The following SPOCK3 variants were observed in gnomAD, a reference collection of about 807,000 sequenced individuals.
The protein encoded by SPOCK3 is SPARC (osteonectin), cwcv and kazal like domains proteoglycan 3, also known as testican-3.
SPOCK3 carries 30 observed loss-of-function variants against 56.6 expected under a neutral mutation model. That is an observed-to-expected ratio of 0.53 (90% CI 0.40 to 0.72). The LOEUF is 0.72. Ranked by LOEUF, SPOCK3 falls within the 30% of genes least tolerant of loss-of-function variation. SPOCK3 has a pLI of 0.00. For missense variants in SPOCK3, 527 were observed against 530.0 expected, an observed-to-expected ratio of 0.99 and a Z score of 0.06; for synonymous variants, 196 against 183.3, an observed-to-expected ratio of 1.07 and a Z score of -0.56.
At chr4:167,175,946 G>A (rs1191846505) in intron 2 of SPOCK3, among the ~76,000 whole-genome samples, 1 of 152,114 alleles carries the variant, frequency 6.6e-6, no homozygotes, top group African/African-American at 2.4e-5. Flanking sequence ...TTTAACCCAT[G>A]CAAATTAATA....
intron 6 of SPOCK3, among the ~76,000 whole-genome samples, chr4:166,802,041 C>T (rs1057379397): frequency 6.6e-6 from 1 of 151,894 alleles, no homozygotes; most frequent in Admixed American, 6.6e-5. Context: ...AGAGCCAAGT[C>T]AGAAAGTTTT....
chr4:166,978,704 A>T (rs980468006), intron 4 of SPOCK3, among the ~76,000 whole-genome samples: 1 of 152,194 alleles, frequency 6.6e-6, no homozygotes, highest in African/African-American at 2.4e-5. Flanking sequence ...GAGGGGGAGA[A>T]GGAGAAGAAG....
intron 4 of SPOCK3, among the ~76,000 whole-genome samples, chr4:166,960,209 T>C (rs1387572463): frequency 1.3e-5 from 2 of 152,214 alleles, no homozygotes; most frequent in African/African-American, 4.8e-5. Flanking sequence ...TGTTATACTT[T>C]AACATCAAAG....
At chr4:167,186,481 G>T (rs1266589909) in intron 2 of SPOCK3, among the ~76,000 whole-genome samples, 2 of 151,762 alleles carry the variant, frequency 1.3e-5, no homozygotes, top group South Asian at 4.2e-4. Context: ...ACAAAAATTA[G>T]CTGAGCGTGG....
chr4:166,845,592 A>G (rs938038336), intron 6 of SPOCK3, among the ~76,000 whole-genome samples: 2 of 152,162 alleles, frequency 1.3e-5, no homozygotes, highest in Admixed American at 6.5e-5. Context: ...AAACAAACCA[A>G]CTTTACCAGA....
At chr4:167,218,791 A>C (rs747660244) in intron 2 of SPOCK3, among the ~76,000 whole-genome samples, 12 of 152,146 alleles carry the variant, frequency 7.9e-5, no homozygotes, top group Non-Finnish European at 1.6e-4. Context: ...GAAATAAACA[A>C]TTTTAAATGA....
At chr4:167,144,491 T>C (rs1763777091) in intron 2 of SPOCK3, among the ~76,000 whole-genome samples, 1 of 151,960 alleles carries the variant, frequency 6.6e-6, no homozygotes, top group South Asian at 2.1e-4. Flanking sequence ...AATAAGCATC[T>C]ACTATTAGCC....
chr4:166,841,435 T>TA (rs1296709635), intron 6 of SPOCK3, among the ~76,000 whole-genome samples: 1 of 152,112 alleles, frequency 6.6e-6, no homozygotes, highest in Admixed American at 6.6e-5. Context: ...AAAAATTTCT[T>TA]AAAGTAAGAA....
chr4:166,956,721 A>G (rs1268441524), intron 4 of SPOCK3, among the ~76,000 whole-genome samples: 4 of 152,036 alleles, frequency 2.6e-5, no homozygotes. Context: ...CTCACATCTA[A>G]GCCCACTCCC....
At chr4:166,838,198 A>C (rs1746836559) in intron 6 of SPOCK3, among the ~76,000 whole-genome samples, 1 of 152,028 alleles carries the variant, frequency 6.6e-6, no homozygotes, top group Non-Finnish European at 1.5e-5. Context: ...TTCTTGAATT[A>C]GTTTATGTCA....
At chr4:166,872,982 C>A (rs1392108656) in intron 6 of SPOCK3, among the ~76,000 whole-genome samples, 2 of 152,014 alleles carry the variant, frequency 1.3e-5, no homozygotes, top group African/African-American at 2.4e-5. Context: ...TTTTAACAAC[C>A]TTCTTTCTCA....
intron 4 of SPOCK3, among the ~76,000 whole-genome samples, chr4:166,952,525 T>C (rs1742792506): frequency 1.3e-5 from 2 of 152,100 alleles, no homozygotes; most frequent in African/African-American, 4.8e-5. Context: ...AATTTATAGA[T>C]TCAATGCCAT....
chr4:167,205,375 T>TATA (rs368406436), intron 2 of SPOCK3, among the ~76,000 whole-genome samples: 5,351 of 42,570 alleles, frequency 0.13, 515 homozygotes, highest in Admixed American at 0.21. Context: ...ATATTTTATA[T>TATA]ATATAATATA....
At chr4:167,160,926 A>T (rs1561279630) in intron 2 of SPOCK3, among the ~76,000 whole-genome samples, 1 of 152,212 alleles carries the variant, frequency 6.6e-6, no homozygotes, top group Non-Finnish European at 1.5e-5. Flanking sequence ...TGTTAGACCT[A>T]AAACCATAAA....
intron 10 of SPOCK3, 30 bp downstream of exon 10, chr4:166,737,437 A>G (rs1182200835): frequency 6.3e-7 from 1 of 1,597,654 alleles, no homozygotes; most frequent in African/African-American, 1.3e-5. Flanking sequence ...GTGCTTAGAA[A>G]ATTATGAAAT....
At chr4:167,195,469 C>A (rs1194757982) in intron 2 of SPOCK3, among the ~76,000 whole-genome samples, 1 of 152,164 alleles carries the variant, frequency 6.6e-6, no homozygotes, top group Non-Finnish European at 1.5e-5. Context: ...ATTTCAGGAT[C>A]TGCTCTGGGA....
intron 2 of SPOCK3, among the ~76,000 whole-genome samples, chr4:167,210,678 G>A (rs1244016069): frequency 6.6e-6 from 1 of 152,050 alleles, no homozygotes; most frequent in Non-Finnish European, 1.5e-5. Context: ...TTTCTAAAGT[G>A]TTTTCTCATA....
At chr4:166,934,741 C>T (rs889085414) in intron 4 of SPOCK3, among the ~76,000 whole-genome samples, 1 of 152,114 alleles carries the variant, frequency 6.6e-6, no homozygotes, top group Non-Finnish European at 1.5e-5. Context: ...CTAGCACATA[C>T]ATTTCTAGAA....
At chr4:167,218,719 C>A (rs1693177277) in intron 2 of SPOCK3, among the ~76,000 whole-genome samples, 1 of 152,050 alleles carries the variant, frequency 6.6e-6, no homozygotes, top group Non-Finnish European at 1.5e-5. Context: ...ACCACCTTCC[C>A]ATTTTAAAAA....
Sources: gnomAD v4.1 joint callset for allele counts (sites outside exome capture counted in the v4.1 genomes callset) on GRCh38, gnomAD v4.1.1 for gene constraint, MANE v1.5 for transcripts, NCBI Gene and HGNC (gene_info 2026-07-23, HGNC 2026-07-21) for gene names.